Variants in TRPM6 observed in about 807,000 individuals in gnomAD.
The protein encoded by TRPM6 is channel kinase 2.
Under a neutral mutation model 247.6 loss-of-function variants are expected in TRPM6, and 111 were observed. The observed-to-expected ratio is 0.45, with a 90% CI of 0.38 to 0.52. The LOEUF is 0.52. Among genes scored for constraint, TRPM6 ranks in the 20% least tolerant of loss-of-function variants. TRPM6 has a pLI of 0.00. For synonymous variants in TRPM6, 892 were observed against 853.8 expected, an observed-to-expected ratio of 1.04 and a Z score of -0.78; for missense variants, 2,126 against 2,421.5, an observed-to-expected ratio of 0.88 and a Z score of 2.56.
chr9:74,850,433 C>A (rs1185300471), intron 3 of TRPM6, among the ~76,000 whole-genome samples: 1 of 147,884 alleles, frequency 6.8e-6, no homozygotes, highest in Non-Finnish European at 1.5e-5. Context: ...TAAAAACCAA[C>A]GTAAGGCCGG....
intron 3 of TRPM6, among the ~76,000 whole-genome samples, chr9:74,855,310 G>T (rs142051334): frequency 9.5e-4 from 144 of 152,178 alleles, no homozygotes; most frequent in African/African-American, 3.3e-3. Flanking sequence ...AATTCTTGTC[G>T]AAGGCCCTTA....
At chr9:74,828,506 A>G (rs949797740) in intron 6 of TRPM6, among the ~76,000 whole-genome samples, 4 of 152,220 alleles carry the variant, frequency 2.6e-5, no homozygotes, top group Non-Finnish European at 5.9e-5. Flanking sequence ...GAGATTCACA[A>G]CACAAGTTCA....
Position 74,738,325 on chromosome 9 carries a change from T to A in TRPM6, c.5776+82A>T. The A allele has an allele frequency of 2.1e-6, 3 of 1,432,480 alleles. No individual in the cohort carries two copies. In the East Asian group the frequency reaches 6.8e-5, roughly 33 times the overall value. 88.7% of individuals were successfully genotyped at this position (1,432,480 alleles called of 1,614,324 possible). The stretch of plus-strand genomic sequence containing the variant: ...TTCAAAGCTAAATAGAGCAACTCCA[T>A]ATATTACCCATCCTGGTTCTTGCAA... On this transcript the variant is annotated intron_variant, in intron 36 of 38. Coordinates refer to ENST00000360774, the MANE Select transcript of TRPM6 (RefSeq NM_017662.5).
chr9:74,757,880 T>C (rs187721019), intron 27 of TRPM6, among the ~76,000 whole-genome samples: 26 of 152,192 alleles, frequency 1.7e-4, no homozygotes, highest in African/African-American at 6.3e-4. Context: ...GCCACTGCAC[T>C]CCAGCCTAGG....
intron 17 of TRPM6, among the ~76,000 whole-genome samples, chr9:74,797,097 C>T (rs899222810): frequency 2.0e-5 from 3 of 152,136 alleles, no homozygotes; most frequent in Non-Finnish European, 4.4e-5. Context: ...CAAGCATTTG[C>T]AGATAAGAAT....
rs148900250 is a variant in TRPM6 at position 74,875,404 on chromosome 9, G to A, written c.33+12420C>T. ...CTAAAAATACAAAAATTAGCCAGAC[G>A]TGGTGGCGCACGCCTATAGTTACAA... On this transcript the variant is annotated intron_variant, in intron 1 of 38. Coordinates refer to ENST00000360774, the MANE Select transcript of TRPM6 (RefSeq NM_017662.5). 625 of 338,104 alleles carry A rather than the reference G, an allele frequency of 1.8e-3. 2 individuals carry two copies. Among genetic ancestry groups the A allele is most frequent in the African/African-American group, 0.012 (581 of 46,708 alleles). 20.9% of individuals were successfully genotyped at this position (338,104 alleles called of 1,614,324 possible).
At chr9:74,794,743 C>T (rs1828028966) in intron 18 of TRPM6, among the ~76,000 whole-genome samples, 1 of 151,946 alleles carries the variant, frequency 6.6e-6, no homozygotes, top group Admixed American at 6.6e-5. Context: ...TTCAAAGACA[C>T]CAATTGCTAT....
At chr9:74,853,977 T>C (rs56690552) in intron 3 of TRPM6, among the ~76,000 whole-genome samples, 22,456 of 152,198 alleles carry the variant, frequency 0.15, 1,920 homozygotes, top group East Asian at 0.28. Flanking sequence ...AGACATATAT[T>C]ACAAAACTAT....
At chr9:74,837,293 G>A (rs1226647837) in intron 5 of TRPM6, among the ~76,000 whole-genome samples, 1 of 152,190 alleles carries the variant, frequency 6.6e-6, no homozygotes, top group Non-Finnish European at 1.5e-5. Context: ...TGCAGGTTCT[G>A]ATTCTGCAGG....
rs376997915 is a variant in TRPM6, at chr9:74,824,621, G to C, written c.842-2784C>G. 2.7e-5 allele frequency among the ~76,000 whole-genome samples: 4 copies of C among 148,268 alleles called. No individual in the cohort carries two copies. The East Asian group carries it at 8.0e-4, about 30-fold the overall frequency. On this transcript the variant is annotated intron_variant, in intron 7 of 38. Transcript: ENST00000360774. ...ATTCTTGCTGAGAAATCTCACTAGA[G>C]AGCTGCTTCTACTGTAAGGTCCCAG... is the stretch of plus-strand genomic sequence containing the variant.
intron 20 of TRPM6, 43 bp downstream of exon 20, chr9:74,788,571 C>T: frequency 1.2e-6 from 2 of 1,611,982 alleles, no homozygotes; most frequent in Non-Finnish European, 1.7e-6. Flanking sequence ...CCTACAGAAG[C>T]TGAGGACATA....
At chr9:74,788,838 C>T (rs1191757522) in intron 19 of TRPM6, 96 bp from the exon 20 acceptor site, 13 of 1,460,238 alleles carry the variant, frequency 8.9e-6, no homozygotes, top group Non-Finnish European at 1.2e-5. Context: ...GCATGAACTT[C>T]AACATGATAA....
At chr9:74,781,572 G>A (rs2118921425) in intron 23 of TRPM6, among the ~76,000 whole-genome samples, 1 of 147,436 alleles carries the variant, frequency 6.8e-6, no homozygotes, top group African/African-American at 2.5e-5. Flanking sequence ...AGAAAGAAAG[G>A]AAAAGAAAAG....
chr9:74,847,076 G>T (rs895693659), intron 3 of TRPM6, among the ~76,000 whole-genome samples: 1 of 152,100 alleles, frequency 6.6e-6, no homozygotes, highest in Non-Finnish European at 1.5e-5. Flanking sequence ...TTCACAATTA[G>T]GTGCTGCTAT....
chr9:74,820,426 T>C lies in TRPM6; in HGVS notation c.1012A>G (p.Met338Val). The change falls in exon 9 of 39, where the codon ATG becomes GTG. Residue 338 changes from methionine (M) to valine (V), a missense_variant and splice_region_variant. Met to Val is a conservative substitution (Grantham distance 21, BLOSUM62 1). Coordinates refer to ENST00000360774, the MANE Select transcript of TRPM6 (RefSeq NM_017662.5). ...TCCTCTTTCACCTGAGGTCGCAGCA[T>C]CCTGGAAGAGAAATAAATGGTCTTG... ...FTHKHLADEG[M>V]LRPQVKEEII... 6.2e-7 allele frequency: 1 copy of C among 1,614,018 alleles called. No individual in the cohort carries two copies. Among genetic ancestry groups the C allele is most frequent in the Non-Finnish European group, 8.5e-7 (1 of 1,180,010 alleles).
At chr9:74,737,261 C>A in intron 36 of TRPM6, 1 of 604,692 alleles carries the variant, frequency 1.7e-6, no homozygotes, top group South Asian at 2.0e-5. Flanking sequence ...ACCTATATGT[C>A]ATTTAAAAAA....
chr9:74,786,188 T>C (rs1827657585), intron 20 of TRPM6, 63 bp from the exon 21 acceptor site: 2 of 1,567,684 alleles, frequency 1.3e-6, no homozygotes, highest in Non-Finnish European at 1.8e-6. Flanking sequence ...ATCAATATGA[T>C]CTTCTTAAAT....
chr9:74,741,187 G>A (rs773909243), intron 33 of TRPM6, among the ~76,000 whole-genome samples: 9 of 152,130 alleles, frequency 5.9e-5, no homozygotes, highest in Non-Finnish European at 8.8e-5. Context: ...GGCTGTTGAA[G>A]AGGGAAAAAT....
chr9:74,761,495 T>G (rs914216014), intron 27 of TRPM6, among the ~76,000 whole-genome samples: 1 of 152,156 alleles, frequency 6.6e-6, no homozygotes, highest in African/African-American at 2.4e-5. Flanking sequence ...GGACTACATG[T>G]GCCCAGAGGT....
Sources: gnomAD v4.1 joint callset for allele counts (sites outside exome capture counted in the v4.1 genomes callset) on GRCh38, gnomAD v4.1.1 for gene constraint, MANE v1.5 for transcripts, NCBI Gene and HGNC (gene_info 2026-07-23, HGNC 2026-07-21) for gene names.